The following CCDC171 variants were observed in gnomAD, a reference collection of about 807,000 sequenced individuals.
CCDC171 encodes coiled-coil domain-containing protein 171.
CCDC171 carries 177 observed loss-of-function variants against 168.2 expected under a neutral mutation model. That is an observed-to-expected ratio of 1.05 (90% confidence interval 0.93 to 1.19). The LOEUF is 1.19. CCDC171 is among the 50% of genes most tolerant of loss of function. The probability of loss-of-function intolerance (pLI) is 0.00; values close to 1 mark genes in which losing one functional copy is unlikely to be tolerated. For missense variants in CCDC171, 1,991 were observed against 1,539.0 expected (o/e 1.29, Z -4.91); for synonymous variants, 687 against 540.8 (o/e 1.27, Z -3.75).
chr9:15,960,773 C>G (rs2132632834), intron 25 of CCDC171, among the ~76,000 whole-genome samples: 1 of 152,204 alleles, frequency 6.6e-6, no homozygotes, highest in East Asian at 1.9e-4. Flanking sequence ...ATCTGAAGTA[C>G]CTTTCTCTCC....
At chr9:16,023,309 A>G (rs1407239822) in intron 6 of CCDC171, among the ~76,000 whole-genome samples, 2 of 152,202 alleles carry the variant, frequency 1.3e-5, no homozygotes, top group Non-Finnish European at 1.5e-5. Flanking sequence ...GACTTTGACT[A>G]TGAGCCATGT....
intron 21 of CCDC171, among the ~76,000 whole-genome samples, chr9:15,830,974 T>TTC (rs1487893078): frequency 6.8e-6 from 1 of 147,322 alleles, no homozygotes; most frequent in East Asian, 2.0e-4. Flanking sequence ...CTTAATTTTT[T>TTC]TTTTTTTTTT....
chr9:15,771,640 AATT>A (rs2057019149), intron 18 of CCDC171, among the ~76,000 whole-genome samples: 1 of 152,156 alleles, frequency 6.6e-6, no homozygotes, highest in African/African-American at 2.4e-5. Flanking sequence ...TATAGTTTAA[AATT>A]ATTAATCATT....
intron 24 of CCDC171, among the ~76,000 whole-genome samples, chr9:15,916,781 C>G (rs574263325): frequency 6.6e-6 from 1 of 152,102 alleles, no homozygotes; most frequent in South Asian, 2.1e-4. Context: ...ATTCCCTCGT[C>G]TTATTACTGT....
intron 21 of CCDC171, among the ~76,000 whole-genome samples, chr9:15,834,149 T>C (rs1228410263): frequency 6.6e-6 from 1 of 152,194 alleles, no homozygotes; most frequent in African/African-American, 2.4e-5. Flanking sequence ...CATGATTATT[T>C]TAGTTCTCAT....
At chr9:15,597,461 A>T (rs549137607) in intron 6 of CCDC171, among the ~76,000 whole-genome samples, 2 of 152,264 alleles carry the variant, frequency 1.3e-5, no homozygotes, top group Admixed American at 1.3e-4. Context: ...TGATTTGCAT[A>T]TGTTGAACCA....
chr9:15,617,018 G>A (rs2044131045), intron 6 of CCDC171, among the ~76,000 whole-genome samples: 1 of 152,194 alleles, frequency 6.6e-6, no homozygotes. Flanking sequence ...GGAAGGCAAA[G>A]GGGGAGCAGG....
chr9:15,703,153 G>A lies in CCDC171; in HGVS notation c.1318+7816G>A, dbSNP rs561755121. ...ACTCCTGACCTTAAGCGGTCTGCCCGCCTTGGCCTCCCAAAGTGCTGGGAT... is the reference window on the plus strand; with the variant it reads ...ACTCCTGACCTTAAGCGGTCTGCCCACCTTGGCCTCCCAAAGTGCTGGGAT... On this transcript the variant is annotated intron_variant, in intron 11 of 25. Transcript: ENST00000380701. Among the ~76,000 whole-genome samples the A allele has an allele frequency of 1.7e-4, 26 of 152,200 alleles. No homozygotes were observed. The South Asian group carries it at 1.9e-3, about 11-fold the overall frequency.
At chr9:15,575,476 C>A (rs1450902717) in intron 3 of CCDC171, among the ~76,000 whole-genome samples, 2 of 152,078 alleles carry the variant, frequency 1.3e-5, no homozygotes, top group Non-Finnish European at 2.9e-5. Context: ...ACTCGGCTGA[C>A]ATAACTTCTT....
At chr9:15,890,651 T>G (rs954529670) in intron 24 of CCDC171, among the ~76,000 whole-genome samples, 1 of 152,070 alleles carries the variant, frequency 6.6e-6, no homozygotes, top group Non-Finnish European at 1.5e-5. Flanking sequence ...ATTCATTGCT[T>G]TAGTTGAAAA....
chr9:15,787,623 A>G (rs1349147732), intron 21 of CCDC171, among the ~76,000 whole-genome samples: 3 of 152,106 alleles, frequency 2.0e-5, no homozygotes, highest in Non-Finnish European at 2.9e-5. Context: ...ATCTGTGATT[A>G]TTTCATCAGG....
chr9:15,688,514 T>C (rs1291198393), intron 10 of CCDC171, among the ~76,000 whole-genome samples: 3 of 152,136 alleles, frequency 2.0e-5, no homozygotes, highest in Non-Finnish European at 4.4e-5. Context: ...AAAAAAGATA[T>C]TACACCATGA....
At chr9:15,573,080 G>A (rs2040361302) in intron 3 of CCDC171, among the ~76,000 whole-genome samples, 1 of 152,110 alleles carries the variant, frequency 6.6e-6, no homozygotes, top group Non-Finnish European at 1.5e-5. Flanking sequence ...AATCGCTTGA[G>A]CCCTGGAGCT....
chr9:16,013,782 G>A (rs1589325918), intron 3 of CCDC171, among the ~76,000 whole-genome samples: 3 of 152,292 alleles, frequency 2.0e-5, no homozygotes, highest in Admixed American at 2.0e-4. Flanking sequence ...AATCTATTAA[G>A]TACACTATAT....
At chr9:15,686,287 C>T (rs2050387863) in intron 10 of CCDC171, among the ~76,000 whole-genome samples, 3 of 152,050 alleles carry the variant, frequency 2.0e-5, no homozygotes, top group Admixed American at 2.0e-4. Flanking sequence ...GTTTTAATCC[C>T]AGACCCTATC....
At chr9:15,638,676 CATAAAT>C (rs1343274526) in intron 7 of CCDC171, among the ~76,000 whole-genome samples, 1 of 151,236 alleles carries the variant, frequency 6.6e-6, no homozygotes, top group African/African-American at 2.4e-5. Context: ...ATATATGAAA[CATAAAT>C]ATAAAAGAAT....
the CCDC171 span, among the ~76,000 whole-genome samples, chr9:16,086,959 A>C: frequency 0.016 from 2,441 of 152,198 alleles, 53 homozygotes; most frequent in African/African-American, 0.054. Flanking sequence ...TTAAAAACTT[A>C]TTTATTTCTT....
At chr9:15,919,747 A>T (rs141059096) in intron 24 of CCDC171, among the ~76,000 whole-genome samples, 10 of 151,658 alleles carry the variant, frequency 6.6e-5, no homozygotes, top group African/African-American at 2.4e-4. Context: ...TCTGTGTTAC[A>T]TGAATCAACA....
At chr9:15,906,872 A>C (rs1297155360) in intron 24 of CCDC171, among the ~76,000 whole-genome samples, 1 of 152,046 alleles carries the variant, frequency 6.6e-6, no homozygotes, top group African/African-American at 2.4e-5. Flanking sequence ...ATTCTTATAC[A>C]CCAATAACAG....
Sources: gnomAD v4.1 joint callset for allele counts (sites outside exome capture counted in the v4.1 genomes callset) on GRCh38, gnomAD v4.1.1 for gene constraint, MANE v1.5 for transcripts, NCBI Gene and HGNC (gene_info 2026-07-23, HGNC 2026-07-21) for gene names.